The following PCDHA8 variants were observed in gnomAD, a reference collection of about 807,000 sequenced individuals.
PCDHA8 encodes protocadherin alpha 8, also known as protocadherin alpha-8.
Under a neutral mutation model 61.8 loss-of-function variants are expected in PCDHA8, and 53 were observed. The ratio of observed to expected loss-of-function variants is 0.86; its 90% CI spans 0.69 to 1.08. The LOEUF (loss-of-function observed/expected upper bound fraction) is 1.08, where lower values mean the gene tolerates loss of function less well. Ranked by LOEUF, PCDHA8 falls within the 50% of genes least tolerant of loss-of-function variation. The pLI, the probability that PCDHA8 is intolerant of heterozygous loss-of-function variation, is 0.00. For missense variants in PCDHA8, 1,293 were observed against 1,245.0 expected, an observed-to-expected ratio of 1.04 and a Z score of -0.58; for synonymous variants, 618 against 556.6, an observed-to-expected ratio of 1.11 and a Z score of -1.55.
chr5:140,980,878 G>A (rs528577692), intron 2 of PCDHA8, among the ~76,000 whole-genome samples: 6 of 152,118 alleles, frequency 3.9e-5, no homozygotes, highest in East Asian at 1.9e-4. Context: ...GGGTGTTCTC[G>A]GTCTTTCCAG....
At chr5:140,859,461 A>G (rs1394799940) in intron 1 of PCDHA8, 1 of 216,144 alleles carries the variant, frequency 4.6e-6, no homozygotes, top group Non-Finnish European at 9.0e-6. Flanking sequence ...TGACAAAACT[A>G]CACTATCAAT....
intron 1 of PCDHA8, chr5:140,875,945 CT>C (rs782069405): frequency 6.2e-7 from 1 of 1,614,144 alleles, no homozygotes; most frequent in South Asian, 1.1e-5. Flanking sequence ...GAGGGCGCTT[CT>C]GATGCGGATA....
At chr5:140,887,532 C>T (rs1161154809) in intron 1 of PCDHA8, among the ~76,000 whole-genome samples, 1 of 152,152 alleles carries the variant, frequency 6.6e-6, no homozygotes, top group African/African-American at 2.4e-5. Flanking sequence ...GAGTCTTCCT[C>T]TCCCCACCCC....
Position 140,841,723 on chromosome 5 carries a change from G to C in PCDHA8, c.402G>C (p.Arg134=). The change falls in exon 1 of 4, where the codon CGG becomes CGC. Residue 134 remains arginine, a synonymous_variant. Coordinates refer to ENST00000531613, the MANE Select transcript of PCDHA8 (RefSeq NM_018911.3). Reference sequence around the variant, plus strand: ...TTAATGACAACCCGCCAGTGTTCCGGGTAAAAGACCAAAAGCTGTTTGTTT... The same window carrying C: ...TTAATGACAACCCGCCAGTGTTCCGCGTAAAAGACCAAAAGCTGTTTGTTT... ...KDVNDNPPVF[R]VKDQKLFVSE... 1 of 1,613,856 alleles carries C rather than the reference G, an allele frequency of 6.2e-7. No homozygotes were observed.
At chr5:140,857,532 AGCGGCG>A (rs1230491450) in intron 1 of PCDHA8, 2 of 1,597,258 alleles carry the variant, frequency 1.3e-6, no homozygotes, top group African/African-American at 2.7e-5. Flanking sequence ...TCTCTGGTGG[AGCGGCG>A]GTTGGGCGAG....
intron 1 of PCDHA8, among the ~76,000 whole-genome samples, chr5:140,918,353 C>T (rs557694814): frequency 4.6e-5 from 7 of 152,236 alleles, no homozygotes; most frequent in African/African-American, 1.7e-4. Context: ...AGGTTGACTT[C>T]CTCTCTGCCT....
At chr5:140,876,174 T>G (rs957879450) in intron 1 of PCDHA8, 2 of 1,613,816 alleles carry the variant, frequency 1.2e-6, no homozygotes, top group African/African-American at 2.7e-5. Flanking sequence ...CCGTCCTGGA[T>G]GTGAATGACA....
At chr5:140,864,869 A>G (rs2048638117) in intron 1 of PCDHA8, 1 of 152,160 alleles carries the variant, frequency 6.6e-6, no homozygotes, top group South Asian at 2.1e-4. Context: ...GGGTGATACC[A>G]TTGTCTGTGT....
In PCDHA8 at chr5:140,850,346, C is replaced by A. The variant is rs2150480590; in HGVS notation, c.2394+6631C>A. On this transcript the variant is annotated intron_variant, in intron 1 of 3. Transcript: ENST00000531613. ...ACGAGCTGCAGCCAGAAACGGCCAGCGCGAGCATCCCGTTCCGCGTGGGGC... is the reference window on the plus strand; with the variant it reads ...ACGAGCTGCAGCCAGAAACGGCCAGAGCGAGCATCCCGTTCCGCGTGGGGC... 9 of 1,597,626 alleles carry A rather than the reference C, an allele frequency of 5.6e-6. 1 individual carries two copies. In the East Asian group the frequency reaches 2.0e-4, roughly 36 times the overall value.
At chr5:140,991,648 A>G (rs2097463830) in intron 3 of PCDHA8, among the ~76,000 whole-genome samples, 1 of 152,192 alleles carries the variant, frequency 6.6e-6, no homozygotes, top group Non-Finnish European at 1.5e-5. Context: ...GTTCATGACA[A>G]TTTAGGTTTG....
intron 1 of PCDHA8, among the ~76,000 whole-genome samples, chr5:140,923,323 C>T (rs1554201408): frequency 6.6e-6 from 1 of 152,092 alleles, no homozygotes; most frequent in Non-Finnish European, 1.5e-5. Context: ...CCTAGAAGTT[C>T]AAGGACAGTT....
chr5:140,927,974 T>C (rs1554205324), intron 1 of PCDHA8: 3 of 1,614,098 alleles, frequency 1.9e-6, no homozygotes, highest in Non-Finnish European at 2.5e-6. Context: ...GTGATTGCTC[T>C]CTTTAGTGTA....
At chr5:141,006,169 A>G (rs553035949) in intron 3 of PCDHA8, among the ~76,000 whole-genome samples, 4 of 149,840 alleles carry the variant, frequency 2.7e-5, no homozygotes, top group Non-Finnish European at 5.9e-5. Flanking sequence ...TCTGATTTAT[A>G]TTTTTAAAAG....
intron 1 of PCDHA8, among the ~76,000 whole-genome samples, chr5:140,855,450 T>C (rs1304022224): frequency 6.7e-6 from 1 of 149,974 alleles, no homozygotes; most frequent in African/African-American, 2.4e-5. Context: ...TTCGGAGTTA[T>C]AAACACCTCA....
At chr5:140,881,392 A>G (rs2058698624) in intron 1 of PCDHA8, 2 of 979,256 alleles carry the variant, frequency 2.0e-6, no homozygotes. Context: ...CGGTAAGTTA[A>G]ATTCTATTAA....
chr5:140,989,197 C>T (rs2097332742), intron 3 of PCDHA8, among the ~76,000 whole-genome samples: 1 of 152,206 alleles, frequency 6.6e-6, no homozygotes, highest in Admixed American at 6.5e-5. Context: ...ACCCTCCCTT[C>T]TAGCTTTCTT....
intron 1 of PCDHA8, among the ~76,000 whole-genome samples, chr5:140,886,331 G>A (rs910332577): frequency 6.6e-6 from 1 of 151,936 alleles, no homozygotes; most frequent in Admixed American, 6.6e-5. Flanking sequence ...TGGGATACAT[G>A]TGCAGAACGT....
At chr5:140,906,443 G>GAAATAA (rs1554192538) in intron 1 of PCDHA8, among the ~76,000 whole-genome samples, 1 of 152,068 alleles carries the variant, frequency 6.6e-6, no homozygotes, top group Non-Finnish European at 1.5e-5. Flanking sequence ...AACAAGAAAG[G>GAAATAA]AAATAAAATG....
intron 1 of PCDHA8, among the ~76,000 whole-genome samples, chr5:140,950,636 T>A (rs528587890): frequency 1.4e-3 from 206 of 152,222 alleles, no homozygotes; most frequent in Non-Finnish European, 2.4e-3. Flanking sequence ...TTTATTTTTA[T>A]CCTGTTTATG....
Sources: allele counts gnomAD v4.1 joint callset (sites outside exome capture counted in the v4.1 genomes callset), GRCh38; gene constraint gnomAD v4.1.1; transcripts MANE v1.5; gene names NCBI Gene and HGNC (gene_info 2026-07-23, HGNC 2026-07-21).